Variants in DOCK3 observed in about 807,000 individuals in gnomAD.
DOCK3 encodes the protein dedicator of cytokinesis protein 3.
In DOCK3, 60 loss-of-function variants were observed where a neutral mutation model predicts 265.6. The ratio of observed to expected loss-of-function variants is 0.23; its 90% CI spans 0.18 to 0.28. DOCK3 has a LOEUF of 0.28. Among genes scored for constraint, DOCK3 ranks in the 10% least tolerant of loss-of-function variants. The probability of loss-of-function intolerance (pLI) is 1.00; values close to 1 mark genes in which losing one functional copy is unlikely to be tolerated. For missense variants in DOCK3, 1,981 were observed against 2,594.3 expected, an observed-to-expected ratio of 0.76 and a Z score of 5.14; for synonymous variants, 881 against 938.0, an observed-to-expected ratio of 0.94 and a Z score of 1.11.
At chr3:51,200,787 A>C (rs941951900) in intron 12 of DOCK3, among the ~76,000 whole-genome samples, 2 of 152,118 alleles carry the variant, frequency 1.3e-5, no homozygotes, top group African/African-American at 4.8e-5. Flanking sequence ...AGGTCGGGTT[A>C]CCCACAAAGG....
chr3:51,044,395 C>T (rs1193369345), intron 5 of DOCK3, among the ~76,000 whole-genome samples: 1 of 151,994 alleles, frequency 6.6e-6, no homozygotes, highest in Non-Finnish European at 1.5e-5. Context: ...CACATGGACA[C>T]ATAGAGGGGA....
intron 4 of DOCK3, among the ~76,000 whole-genome samples, chr3:50,910,054 A>G (rs1344979791): frequency 6.6e-6 from 1 of 151,690 alleles, no homozygotes. Context: ...CCTGTGTTTT[A>G]CTTTTAGCTT....
chr3:50,829,471 C>T (rs2044995544), intron 2 of DOCK3, among the ~76,000 whole-genome samples: 1 of 152,030 alleles, frequency 6.6e-6, no homozygotes, highest in Non-Finnish European at 1.5e-5. Context: ...TAATTCACTT[C>T]TTTCTGAGAT....
At chr3:51,158,840 A>T (rs1237787265) in intron 10 of DOCK3, among the ~76,000 whole-genome samples, 1 of 152,218 alleles carries the variant, frequency 6.6e-6, no homozygotes, top group Non-Finnish European at 1.5e-5. Context: ...GAACAAACTT[A>T]TAGAATTTTA....
intron 3 of DOCK3, among the ~76,000 whole-genome samples, chr3:50,850,697 C>T (rs2046316551): frequency 6.6e-6 from 1 of 151,880 alleles, no homozygotes; most frequent in Non-Finnish European, 1.5e-5. Context: ...TGTTTGTTTT[C>T]CCTCTCTCCT....
intron 1 of DOCK3, among the ~76,000 whole-genome samples, chr3:50,744,841 C>G (rs1163577486): frequency 1.3e-5 from 2 of 152,116 alleles, no homozygotes; most frequent in Non-Finnish European, 2.9e-5. Context: ...CTGCCCTTTC[C>G]CCATTTAATG....
chr3:50,680,577 GGC>G (rs1427498003), intron 1 of DOCK3, among the ~76,000 whole-genome samples: 7 of 144,366 alleles, frequency 4.8e-5, no homozygotes, highest in African/African-American at 1.8e-4. Context: ...TGTGTGCTAT[GGC>G]ATGATCGTAG....
At chr3:50,966,704 C>T (rs563149434) in intron 5 of DOCK3, among the ~76,000 whole-genome samples, 1 of 152,162 alleles carries the variant, frequency 6.6e-6, no homozygotes, top group African/African-American at 2.4e-5. Context: ...AGGAGAATTG[C>T]TTGCATCCAG....
intron 9 of DOCK3, among the ~76,000 whole-genome samples, chr3:51,094,613 ACTC>A (rs943184686): frequency 1.9e-4 from 29 of 151,166 alleles, no homozygotes; most frequent in African/African-American, 6.1e-4. Context: ...AAAAAAATGA[ACTC>A]CTGGATTCAT....
intron 26 of DOCK3, 82 bp from the exon 27 acceptor site, chr3:51,280,024 T>C (rs2081026388): frequency 1.1e-5 from 13 of 1,136,764 alleles, no homozygotes; most frequent in Non-Finnish European, 1.7e-5. Context: ...AGACCCTCCC[T>C]TCTCTCCTTG....
At chr3:51,069,689 A>G (rs1226486960) in intron 6 of DOCK3, among the ~76,000 whole-genome samples, 2 of 151,672 alleles carry the variant, frequency 1.3e-5, no homozygotes, top group Admixed American at 6.6e-5. Context: ...ATATTTTTAC[A>G]TATTCTAACC....
At chr3:50,879,738 C>A (rs2047928045) in intron 3 of DOCK3, among the ~76,000 whole-genome samples, 1 of 151,808 alleles carries the variant, frequency 6.6e-6, no homozygotes, top group Middle Eastern at 3.4e-3. Context: ...AGAAAGTTAA[C>A]AAGGATATCC....
At chr3:50,877,642 G>A (rs373838510) in intron 3 of DOCK3, 1 of 415,186 alleles carries the variant, frequency 2.4e-6, no homozygotes, top group African/African-American at 2.3e-5. Flanking sequence ...GGCTTCAATG[G>A]CAGCCACTTT....
chr3:50,856,928 A>G (rs1028031207), intron 3 of DOCK3, among the ~76,000 whole-genome samples: 1 of 152,054 alleles, frequency 6.6e-6, no homozygotes, highest in African/African-American at 2.4e-5. Flanking sequence ...TTCTGCATCT[A>G]TTTGAGATGA....
chr3:51,086,787 G>A (rs1051593474), intron 7 of DOCK3, among the ~76,000 whole-genome samples: 1 of 152,124 alleles, frequency 6.6e-6, no homozygotes, highest in Admixed American at 6.5e-5. Flanking sequence ...GACAGAGTGA[G>A]ACTCATCCCA....
chr3:51,207,804 G>A (rs557389395), intron 12 of DOCK3, among the ~76,000 whole-genome samples: 2 of 152,156 alleles, frequency 1.3e-5, no homozygotes, highest in East Asian at 3.9e-4. Context: ...TCTCCTTTTT[G>A]CATGGGTCCT....
intron 22 of DOCK3, among the ~76,000 whole-genome samples, chr3:51,249,999 G>T (rs940960885): frequency 6.6e-6 from 1 of 151,728 alleles, no homozygotes; most frequent in Non-Finnish European, 1.5e-5. Context: ...TCTCTGAAAC[G>T]TGCTGTGTCC....
Position 51,270,988 on chromosome 3 carries a change from C to T in DOCK3, c.2529C>T (p.Ser843=), listed in dbSNP as rs1479492352. Residue 843 remains serine (S), a synonymous_variant, in exon 24 of 53, where the codon AGC becomes AGT. Transcript: ENST00000266037. ...AGTCCATTGCCAGGACAGTGGATAG[C>T]CGCCTGTTTTCTTTCTCAGGTAAAT... is the stretch of plus-strand genomic sequence containing the variant. ...KLQSIARTVD[S]RLFSFSESRR... 1.9e-6 allele frequency: 3 copies of T among 1,612,518 alleles called. No homozygotes were observed. The highest frequency in any genetic ancestry group is 2.2e-5 in the South Asian group (2 of 90,878).
At chr3:50,789,464 G>A (rs1031634472) in intron 2 of DOCK3, among the ~76,000 whole-genome samples, 1 of 152,184 alleles carries the variant, frequency 6.6e-6, no homozygotes. Context: ...TTGTTGGGTA[G>A]AATGTTCTGT....
Sources: gnomAD v4.1 joint callset for allele counts (sites outside exome capture counted in the v4.1 genomes callset) on GRCh38, gnomAD v4.1.1 for gene constraint, MANE v1.5 for transcripts, NCBI Gene and HGNC (gene_info 2026-07-23, HGNC 2026-07-21) for gene names.